Variants in EPB41L5 observed in about 807,000 individuals in gnomAD.
EPB41L5 encodes the protein band 4.1-like protein 5.
Under a neutral mutation model 106.6 loss-of-function variants are expected in EPB41L5, and 55 were observed. The observed-to-expected ratio is 0.52, with a 90% CI of 0.42 to 0.65. The LOEUF (loss-of-function observed/expected upper bound fraction) is 0.65, where lower values mean the gene tolerates loss of function less well. Among genes scored for constraint, EPB41L5 ranks in the 30% least tolerant of loss-of-function variants. EPB41L5 has a pLI of 0.00. For missense variants in EPB41L5, 871 were observed against 882.1 expected, an observed-to-expected ratio of 0.99 and a Z score of 0.16; for synonymous variants, 297 against 306.7, an observed-to-expected ratio of 0.97 and a Z score of 0.33.
rs1000997096 is a variant in EPB41L5 at position 120,105,393 on chromosome 2, A to G, written c.1337+4579A>G. ...AATGAAGCTTCATTATAAACAGCTT[A>G]ACTCATTTAATGCATCCTGCTCACA... On this transcript the variant is annotated intron_variant, in intron 16 of 24. Coordinates refer to ENST00000263713, the MANE Select transcript of EPB41L5 (RefSeq NM_020909.4). 3.1e-6 allele frequency: 3 copies of G among 981,304 alleles called. No individual in the cohort carries two copies. In the African/African-American group the frequency reaches 5.2e-5, roughly 17 times the overall value. The allele number at this position is 981,304 out of a possible 1,614,324, so 60.8% of individuals were successfully genotyped here.
chr2:120,075,008 A>G (rs534591568), intron 5 of EPB41L5, among the ~76,000 whole-genome samples: 11 of 152,252 alleles, frequency 7.2e-5, no homozygotes, highest in Admixed American at 3.3e-4. Context: ...TGCGTATTTT[A>G]ATAGAGACGG....
intron 2 of EPB41L5, among the ~76,000 whole-genome samples, chr2:120,033,270 C>G (rs1418532487): frequency 6.6e-6 from 1 of 152,150 alleles, no homozygotes; most frequent in African/African-American, 2.4e-5. Context: ...TTATCTGTGA[C>G]TTATTTTCAT....
At position 120,091,584 on chromosome 2, in the gene EPB41L5, C is replaced by T. The variant is rs754742819; in HGVS notation, c.1073C>T (p.Thr358Ile). 2 of 1,613,752 alleles carry T rather than the reference C, an allele frequency of 1.2e-6. No individual in the cohort carries two copies. Among genetic ancestry groups the T allele is most frequent in the Admixed American group, 1.7e-5 (1 of 59,996 alleles). ...AAAACAGAGTATCAGACCACAAAAACCAATAAAGCAAGAAGATCAACATCC... is the reference window on the plus strand; with the variant it reads ...AAAACAGAGTATCAGACCACAAAAATCAATAAAGCAAGAAGATCAACATCC... ...SGKTEYQTTK[T>I]NKARRSTSFE... Residue 358 changes from threonine to isoleucine, a missense_variant, in exon 13 of 25, where the codon ACC (threonine) becomes ATC (isoleucine). Coordinates refer to ENST00000263713, the MANE Select transcript of EPB41L5 (RefSeq NM_020909.4).
intron 16 of EPB41L5, chr2:120,106,833 T>G: frequency 1.0e-6 from 1 of 985,326 alleles, no homozygotes; most frequent in Non-Finnish European, 1.2e-6. Flanking sequence ...GAGTAAGATC[T>G]AACATTTCTG....
rs1197459335 is a variant in EPB41L5, at chr2:120,034,670, AAAAAC to A, written c.181-7316_181-7312del. 1.3e-5 allele frequency among the ~76,000 whole-genome samples: 2 copies of A among 152,094 alleles called. 1 individual carries two copies. The highest frequency in any genetic ancestry group is 2.9e-5 in the Non-Finnish European group (2 of 67,974). On this transcript the variant is annotated intron_variant, in intron 2 of 24. Coordinates refer to ENST00000263713, the MANE Select transcript of EPB41L5 (RefSeq NM_020909.4). ...ACTGGGCAACATGGCAAAACCCTGTAAAAACAAAACAAAACAAAACAAAAAAAAAA... is the reference window on the plus strand; with the variant it reads ...ACTGGGCAACATGGCAAAACCCTGTAAAAACAAAACAAAACAAAAAAAAAA...
intron 2 of EPB41L5, among the ~76,000 whole-genome samples, chr2:120,031,901 T>G (rs1275185138): frequency 6.6e-6 from 1 of 152,068 alleles, no homozygotes; most frequent in African/African-American, 2.4e-5. Flanking sequence ...CTTGGGAGGT[T>G]GGGGTAGGAG....
At chr2:120,105,324 T>C (rs1468105294) in intron 16 of EPB41L5, 5 of 958,656 alleles carry the variant, frequency 5.2e-6, no homozygotes, top group African/African-American at 1.8e-5. Flanking sequence ...ACATAGAAAT[T>C]TATAGATATT....
At chr2:120,115,890 A>C (rs1684927801) in intron 16 of EPB41L5, among the ~76,000 whole-genome samples, 1 of 151,886 alleles carries the variant, frequency 6.6e-6, no homozygotes, top group South Asian at 2.1e-4. Flanking sequence ...ACTCACTGCA[A>C]CCTCTGCCTC....
At chr2:120,030,132 C>T (rs576399747) in intron 2 of EPB41L5, among the ~76,000 whole-genome samples, 9 of 152,304 alleles carry the variant, frequency 5.9e-5, no homozygotes, top group East Asian at 1.9e-4. Context: ...TAACTAACTT[C>T]GGGAAGGAAT....
At chr2:120,081,110 T>A (rs867352517) in intron 10 of EPB41L5, among the ~76,000 whole-genome samples, 1 of 152,236 alleles carries the variant, frequency 6.6e-6, no homozygotes, top group South Asian at 2.1e-4. Context: ...CTCTTTAGTT[T>A]AATTAGATCC....
At chr2:120,151,069 T>C (rs1686649282) in intron 20 of EPB41L5, among the ~76,000 whole-genome samples, 1 of 152,100 alleles carries the variant, frequency 6.6e-6, no homozygotes, top group Non-Finnish European at 1.5e-5. Context: ...ATGCCTGTAA[T>C]CCAGGCTGAT....
intron 3 of EPB41L5, among the ~76,000 whole-genome samples, chr2:120,062,976 A>G (rs1005445135): frequency 1.3e-5 from 2 of 152,176 alleles, no homozygotes; most frequent in African/African-American, 4.8e-5. Flanking sequence ...CTGTTTTAAA[A>G]TAGAGGGTAT....
chr2:120,166,197 T>G (rs1352957639), intron 22 of EPB41L5, among the ~76,000 whole-genome samples: 1 of 152,098 alleles, frequency 6.6e-6, no homozygotes, highest in East Asian at 1.9e-4. Context: ...GTTTCTAATT[T>G]TGGTATATCT....
Position 120,091,600 on chromosome 2 carries a change from A to G in EPB41L5, c.1089A>G (p.Arg363=), listed in dbSNP as rs550584545. 4.6e-5 allele frequency: 75 copies of G among 1,613,952 alleles called. No homozygotes were observed. The South Asian group carries it at 7.5e-4, about 16-fold the overall frequency. ...YQTTKTNKAR[R]STSFERRPSK... is the part of the protein sequence containing the mutation. The stretch of plus-strand genomic sequence containing the variant: ...CCACAAAAACCAATAAAGCAAGAAG[A>G]TCAACATCCTTTGAAAGAAGGCCCA... The change falls in exon 13 of 25, where the codon AGA becomes AGG. Residue 363 remains arginine (R), a synonymous_variant. Transcript: ENST00000263713.
rs547115673 is a variant in EPB41L5 at position 120,114,478 on chromosome 2, G to T, written c.1338-13210G>T. The stretch of plus-strand genomic sequence containing the variant: ...TGTAAGTGTTCTGAGCACAGTTAAT[G>T]TAGGCTCGGGTAAGCTATAATGCTC... On this transcript the variant is annotated intron_variant, in intron 16 of 24. Coordinates refer to ENST00000263713, the MANE Select transcript of EPB41L5 (RefSeq NM_020909.4). 3.5e-4 allele frequency among the ~76,000 whole-genome samples: 53 copies of T among 152,290 alleles called. No homozygotes were observed. In the South Asian group the frequency reaches 0.011, roughly 31 times the overall value.
At chr2:120,138,928 A>G (rs1686052536) in intron 18 of EPB41L5, among the ~76,000 whole-genome samples, 1 of 152,036 alleles carries the variant, frequency 6.6e-6, no homozygotes, top group South Asian at 2.1e-4. Flanking sequence ...CCTGACTTCA[A>G]ATTATACTAC....
At chr2:120,139,106 T>C (rs143586380) in intron 18 of EPB41L5, among the ~76,000 whole-genome samples, 6,953 of 152,046 alleles carry the variant, frequency 0.046, 227 homozygotes, top group Non-Finnish European at 0.071. Flanking sequence ...CAATAAATGG[T>C]GCTAGGAAAA....
At chr2:120,099,298 T>G (rs1411665760) in intron 14 of EPB41L5, among the ~76,000 whole-genome samples, 1 of 151,810 alleles carries the variant, frequency 6.6e-6, no homozygotes, top group Non-Finnish European at 1.5e-5. Flanking sequence ...CATCTTTGAG[T>G]TTTTATTTTA....
intron 18 of EPB41L5, 74 bp downstream of exon 18, chr2:120,131,789 G>GAAAA: frequency 8.8e-7 from 1 of 1,141,588 alleles, no homozygotes; most frequent in Non-Finnish European, 1.3e-6. Context: ...TCCAAAGACA[G>GAAAA]TACTTTCTTT....
Sources: gnomAD v4.1 joint callset for allele counts (sites outside exome capture counted in the v4.1 genomes callset) on GRCh38, gnomAD v4.1.1 for gene constraint, MANE v1.5 for transcripts, NCBI Gene and HGNC (gene_info 2026-07-23, HGNC 2026-07-21) for gene names.